NXPE2: variants seen among roughly 807,000 people sequenced by gnomAD.
NXPE2 encodes NXPE family member 2.
Under a neutral mutation model 34.4 loss-of-function variants are expected in NXPE2, and 34 were observed. The observed-to-expected ratio is 0.99, with a 90% CI of 0.75 to 1.31. NXPE2 has a LOEUF of 1.31. Among genes scored for constraint, NXPE2 ranks in the 40% most tolerant of loss-of-function variants. NXPE2 has a pLI of 0.00. For missense variants in NXPE2, 649 were observed against 672.5 expected, an observed-to-expected ratio of 0.97 and a Z score of 0.39; for synonymous variants, 235 against 231.3, an observed-to-expected ratio of 1.02 and a Z score of -0.15.
At chr11:114,535,960 C>A in the NXPE2 span, among the ~76,000 whole-genome samples, 1 of 152,164 alleles carries the variant, frequency 6.6e-6, no homozygotes, top group Non-Finnish European at 1.5e-5. Flanking sequence ...ACTCTCCACC[C>A]CAAATCAACA....
the NXPE2 span, among the ~76,000 whole-genome samples, chr11:114,785,319 T>C: frequency 1.3e-5 from 2 of 152,258 alleles, no homozygotes; most frequent in African/African-American, 4.8e-5. Context: ...ATGAGGCTGT[T>C]CAATGTAAAA....
the NXPE2 span, among the ~76,000 whole-genome samples, chr11:114,626,404 CA>C: frequency 6.6e-6 from 1 of 152,204 alleles, no homozygotes; most frequent in African/African-American, 2.4e-5. Context: ...AGGCACCCCC[CA>C]ACAGGGGCAG....
At chr11:114,717,293 C>T in the NXPE2 span, among the ~76,000 whole-genome samples, 1,029 of 152,238 alleles carry the variant, frequency 6.8e-3, 4 homozygotes, top group Non-Finnish European at 0.01. Flanking sequence ...GCTCTCTGGA[C>T]GTAAAAGTCC....
At chr11:114,645,283 AGAGT>A in the NXPE2 span, among the ~76,000 whole-genome samples, 1 of 152,182 alleles carries the variant, frequency 6.6e-6, no homozygotes, top group Non-Finnish European at 1.5e-5. Context: ...CCTGGGTGAC[AGAGT>A]GAGACTCCAT....
At chr11:114,666,331 A>T in the NXPE2 span, among the ~76,000 whole-genome samples, 2 of 152,222 alleles carry the variant, frequency 1.3e-5, no homozygotes, top group African/African-American at 4.8e-5. Flanking sequence ...GCCTCCTTTA[A>T]AGTAAAGTAA....
the NXPE2 span, among the ~76,000 whole-genome samples, chr11:114,738,709 G>T: frequency 1.3e-5 from 2 of 152,110 alleles, no homozygotes; most frequent in Non-Finnish European, 2.9e-5. Flanking sequence ...TGATGGTTAC[G>T]TTAACATCAC....
chr11:114,621,390 C>T, the NXPE2 span, among the ~76,000 whole-genome samples: 6 of 152,190 alleles, frequency 3.9e-5, no homozygotes, highest in African/African-American at 1.4e-4. Flanking sequence ...TCTGTTATCT[C>T]GTGGGTAACC....
At chr11:114,577,094 TATAA>T in the NXPE2 span, among the ~76,000 whole-genome samples, 8 of 141,330 alleles carry the variant, frequency 5.7e-5, no homozygotes, top group African/African-American at 2.1e-4. Flanking sequence ...TACATATATA[TATAA>T]AGTTATATAT....
chr11:114,667,466 C>T, the NXPE2 span, among the ~76,000 whole-genome samples: 35 of 152,146 alleles, frequency 2.3e-4, no homozygotes, highest in East Asian at 4.3e-3. Context: ...TGATACTCCA[C>T]CCTCAAAGAA....
the NXPE2 span, among the ~76,000 whole-genome samples, chr11:114,633,719 G>T: frequency 2.0e-5 from 3 of 151,602 alleles, no homozygotes; most frequent in South Asian, 2.1e-4. Context: ...GTGGCGTTTG[G>T]TTTTTTGTCC....
the NXPE2 span, among the ~76,000 whole-genome samples, chr11:114,743,714 A>G: frequency 6.6e-6 from 1 of 151,678 alleles, no homozygotes; most frequent in African/African-American, 2.4e-5. Flanking sequence ...CGCCTTATCT[A>G]TTTTCCACTC....
the NXPE2 span, among the ~76,000 whole-genome samples, chr11:114,631,127 G>T: frequency 2.0e-5 from 3 of 151,966 alleles, no homozygotes; most frequent in East Asian, 5.8e-4. Context: ...GATTCTCAGG[G>T]ATCTAGAACT....
the NXPE2 span, among the ~76,000 whole-genome samples, chr11:114,729,516 C>T: frequency 1.3e-5 from 2 of 152,152 alleles, no homozygotes; most frequent in Non-Finnish European, 2.9e-5. Context: ...AACTAATTTA[C>T]AATCCCACCA....
chr11:114,560,766 A>C, the NXPE2 span, among the ~76,000 whole-genome samples: 1 of 152,184 alleles, frequency 6.6e-6, no homozygotes, highest in South Asian at 2.1e-4. Flanking sequence ...TATATGAATA[A>C]TTAGGCCTAT....
chr11:114,735,286 TTC>T, the NXPE2 span, among the ~76,000 whole-genome samples: 5,942 of 152,282 alleles, frequency 0.039, 166 homozygotes, highest in Middle Eastern at 0.092. Flanking sequence ...TCTCTCTTTT[TTC>T]TCTGTTGTTG....
chr11:114,784,545 C>CTCACAAAGACAA, the NXPE2 span, among the ~76,000 whole-genome samples: 1 of 152,072 alleles, frequency 6.6e-6, no homozygotes, highest in East Asian at 1.9e-4. Context: ...TCGCGTCTCA[C>CTCACAAAGACAA]TCACAAAGAC....
the NXPE2 span, among the ~76,000 whole-genome samples, chr11:114,514,541 A>G: frequency 6.6e-6 from 1 of 151,796 alleles, no homozygotes; most frequent in Non-Finnish European, 1.5e-5. Context: ...AGCATGCACC[A>G]CCACACCCAG....
chr11:114,558,059 A>G, the NXPE2 span, among the ~76,000 whole-genome samples: 1 of 151,990 alleles, frequency 6.6e-6, no homozygotes, highest in African/African-American at 2.4e-5. Flanking sequence ...TTGCTCTCTG[A>G]CGCTTAACAG....
chr11:114,493,866 T>A, the NXPE2 span, among the ~76,000 whole-genome samples: 15 of 152,294 alleles, frequency 9.8e-5, no homozygotes, highest in Middle Eastern at 0.01. Context: ...AAGAACTCCC[T>A]TTATCATTTC....
Sources: gnomAD v4.1 joint callset for allele counts (sites outside exome capture counted in the v4.1 genomes callset) on GRCh38, gnomAD v4.1.1 for gene constraint, MANE v1.5 for transcripts, NCBI Gene and HGNC (gene_info 2026-07-23, HGNC 2026-07-21) for gene names.